CDK5RAP2: variants seen among roughly 807,000 people sequenced by gnomAD.
CDK5RAP2 encodes CDK5 regulatory subunit associated protein 2.
A neutral mutation model predicts 232.9 loss-of-function variants in CDK5RAP2; 147 were observed. The observed-to-expected ratio is 0.63, with a 90% CI of 0.55 to 0.72. CDK5RAP2 has a LOEUF of 0.72. CDK5RAP2 is among the 30% of genes least tolerant of loss of function. CDK5RAP2 has a pLI of 0.00. For missense variants in CDK5RAP2, 2,195 were observed against 2,231.5 expected, an observed-to-expected ratio of 0.98 and a Z score of 0.33; for synonymous variants, 833 against 833.7, an observed-to-expected ratio of 1.00 and a Z score of 0.01.
rs1014820441 is a variant in CDK5RAP2 at position 120,403,748 on chromosome 9, A to T, written c.5041+288T>A. 2.1e-6 allele frequency: 1 copy of T among 479,188 alleles called. No homozygotes were observed. The highest frequency in any genetic ancestry group is 3.8e-6 in the Non-Finnish European group (1 of 261,586). The allele number at this position is 479,188 out of a possible 1,614,324, so 29.7% of individuals were successfully genotyped here. ...CAGGTTAAGGGATAAGGCTGGACGGACCCACTGGAGCTGGATCCTGGAGGG... is the reference window on the plus strand; with the variant it reads ...CAGGTTAAGGGATAAGGCTGGACGGTCCCACTGGAGCTGGATCCTGGAGGG... On this transcript the variant is annotated intron_variant, in intron 33 of 37. Transcript: ENST00000349780. The surrounding 1 kb of genome is among the most constrained non-coding windows in gnomAD (Gnocchi z 4.2).
chr9:120,470,806 G>A (rs1183550074), intron 16 of CDK5RAP2, among the ~76,000 whole-genome samples: 1 of 151,814 alleles, frequency 6.6e-6, no homozygotes, highest in Non-Finnish European at 1.5e-5. Context: ...GGGAGAAGTG[G>A]GGGGCGGGGG....
chr9:120,547,418 A>G (rs1312010997), intron 4 of CDK5RAP2, among the ~76,000 whole-genome samples: 4 of 152,088 alleles, frequency 2.6e-5, no homozygotes, highest in Non-Finnish European at 5.9e-5. Flanking sequence ...AGCCTGGCCA[A>G]CATGGCAAAA....
rs7031195 is a variant in CDK5RAP2, at chr9:120,545,924, C to T, written c.307-134G>A. The T allele has an allele frequency of 1.5e-3, 1,073 of 720,724 alleles. 10 individuals carry two copies. The African/African-American group carries it at 0.017, about 12-fold the overall frequency. The allele number at this position is 720,724 out of a possible 1,614,324, so 44.6% of individuals were successfully genotyped here. A position where few individuals can be genotyped will look rare whatever the true frequency, so the allele number is the denominator to read the frequency against. ...ATAGGCAGATGTTAGATTCCAAAAA[C>T]CCTCATTAGCCTCAGGGCACAGGGA... On this transcript the variant is annotated intron_variant, in intron 4 of 37. Transcript: ENST00000349780.
intron 12 of CDK5RAP2, among the ~76,000 whole-genome samples, chr9:120,507,687 G>C (rs2039876917): frequency 2.6e-5 from 4 of 151,526 alleles, no homozygotes; most frequent in Admixed American, 1.3e-4. Flanking sequence ...TCTGAACAAA[G>C]GGTTTACACA....
At position 120,411,353 on chromosome 9, in the gene CDK5RAP2, C is replaced by T; in HGVS notation, c.4414+5G>A. On this transcript the variant is annotated splice_donor_5th_base_variant and intron_variant, in intron 29 of 37. Coordinates refer to ENST00000349780, the MANE Select transcript of CDK5RAP2 (RefSeq NM_018249.6). ...CAGACTTCCAGTGACTCCTTTAACTCTTACCTCTGGATCCTTTAATGAGCA... is the reference window on the plus strand; with the variant it reads ...CAGACTTCCAGTGACTCCTTTAACTTTTACCTCTGGATCCTTTAATGAGCA... The T allele has an allele frequency of 6.5e-7, 1 of 1,545,114 alleles. No homozygotes were observed. Among genetic ancestry groups the T allele is most frequent in the Non-Finnish European group, 9.0e-7 (1 of 1,117,058 alleles).
chr9:120,484,503 T>C (rs1393635936), intron 14 of CDK5RAP2, among the ~76,000 whole-genome samples: 1 of 151,968 alleles, frequency 6.6e-6, no homozygotes, highest in Non-Finnish European at 1.5e-5. Context: ...AGTTGGATCA[T>C]TTGAGGTCAG....
At chr9:120,400,425 G>T (rs1221029343) in intron 35 of CDK5RAP2, among the ~76,000 whole-genome samples, 1 of 152,132 alleles carries the variant, frequency 6.6e-6, no homozygotes, top group East Asian at 1.9e-4. Context: ...ATAAACATTG[G>T]GTTCCAATAT....
At position 120,536,440 on chromosome 9, in the gene CDK5RAP2, C is replaced by T. The variant is rs374654660; in HGVS notation, c.594G>A (p.Lys198=). The T allele has an allele frequency of 6.2e-7, 1 of 1,614,212 alleles. No individual in the cohort carries two copies. Among genetic ancestry groups the T allele is most frequent in the African/African-American group, 1.3e-5 (1 of 75,060 alleles). Residue 198 remains lysine (K), a synonymous_variant, in exon 7 of 38, where the codon AAG becomes AAA. Transcript: ENST00000349780. ...EKALRLRLES[K]LSEMKKMHEG... is the part of the protein sequence containing the mutation. ...CGTGCATCTTCTTCATCTCTGAAAG[C>T]TTGCTTTCCAAACGCAACCGAAGAG...
intron 25 of CDK5RAP2, among the ~76,000 whole-genome samples, chr9:120,426,716 G>C (rs1328040831): frequency 6.6e-6 from 1 of 152,170 alleles, no homozygotes; most frequent in African/African-American, 2.4e-5. Flanking sequence ...CCCTACAAGA[G>C]ACAGCATTTC....
intron 3 of CDK5RAP2, among the ~76,000 whole-genome samples, chr9:120,557,636 G>A (rs895105122): frequency 8.6e-5 from 13 of 152,014 alleles, no homozygotes; most frequent in African/African-American, 2.9e-4. Context: ...GCACACACCT[G>A]TAGTCCCAGC....
intron 15 of CDK5RAP2, 56 bp downstream of exon 15, chr9:120,477,294 C>T (rs1588440468): frequency 3.7e-5 from 45 of 1,213,234 alleles, no homozygotes; most frequent in East Asian, 2.1e-4. Flanking sequence ...CGTGTATGCG[C>T]GTGCATGTGT....
intron 3 of CDK5RAP2, among the ~76,000 whole-genome samples, chr9:120,552,285 C>T (rs1248344151): frequency 6.6e-6 from 1 of 151,780 alleles, no homozygotes; most frequent in Non-Finnish European, 1.5e-5. Context: ...GTCAGTGTGG[C>T]GATTCCTCAG....
chr9:120,490,202 A>G (rs1218973796), intron 13 of CDK5RAP2, among the ~76,000 whole-genome samples: 2 of 152,228 alleles, frequency 1.3e-5, no homozygotes, highest in African/African-American at 2.4e-5. Context: ...GAGAGTGTGG[A>G]AAGGACCTGT....
At chr9:120,578,004 T>G (rs1446495068) in intron 1 of CDK5RAP2, among the ~76,000 whole-genome samples, 1 of 152,232 alleles carries the variant, frequency 6.6e-6, no homozygotes, top group East Asian at 1.9e-4. Context: ...GCGCGGTGGC[T>G]CACGCCTGTA....
intron 25 of CDK5RAP2, among the ~76,000 whole-genome samples, chr9:120,424,701 CT>C (rs779377396): frequency 0.036 from 4,942 of 136,286 alleles, 239 homozygotes; most frequent in African/African-American, 0.11. Context: ...TCTCACAGCT[CT>C]TTTTTTTTTT....
intron 4 of CDK5RAP2, among the ~76,000 whole-genome samples, chr9:120,549,676 T>TA (rs1367891047): frequency 2.6e-5 from 4 of 152,322 alleles, no homozygotes; most frequent in South Asian, 2.1e-4. Flanking sequence ...CAGTGCCTGA[T>TA]AGAGTTGGCA....
intron 2 of CDK5RAP2, among the ~76,000 whole-genome samples, chr9:120,568,782 T>C (rs1247629947): frequency 6.6e-6 from 1 of 152,122 alleles, no homozygotes; most frequent in Non-Finnish European, 1.5e-5. Flanking sequence ...AACTTTTTCT[T>C]AAAACGCCAG....
chr9:120,434,892 T>G (rs1255987348), intron 25 of CDK5RAP2, among the ~76,000 whole-genome samples: 2 of 152,040 alleles, frequency 1.3e-5, no homozygotes, highest in African/African-American at 4.8e-5. Flanking sequence ...CCCAATGGGT[T>G]TAAGAGAGAA....
In CDK5RAP2 at chr9:120,579,970, G is replaced by A. The variant is rs2043183444; in HGVS notation, c.9C>T (p.Asp3=). ...CGGTGACGTCCTCTTCCAACACCAA[G>A]TCCATCATGGCTACAGAGGTGGCGA... MM[D]LVLEEDVTVP... The change falls in exon 1 of 38, where the codon GAC becomes GAT. Residue 3 remains aspartate (D), a synonymous_variant. Transcript: ENST00000349780. 3 of 1,610,444 alleles carry A rather than the reference G, an allele frequency of 1.9e-6. No individual in the cohort carries two copies. The highest frequency in any genetic ancestry group is 1.7e-5 in the Admixed American group (1 of 59,994).
Sources: allele counts gnomAD v4.1 joint callset (sites outside exome capture counted in the v4.1 genomes callset), GRCh38; gene constraint gnomAD v4.1.1; non-coding constraint Gnocchi (gnomAD v3.1); transcripts MANE v1.5; gene names NCBI Gene and HGNC (gene_info 2026-07-23, HGNC 2026-07-21).